MAP2K3: variants seen among roughly 807,000 people sequenced by gnomAD.
The protein encoded by MAP2K3 is mitogen-activated protein kinase kinase 3.
A neutral mutation model predicts 46.4 loss-of-function variants in MAP2K3; 30 were observed. The observed-to-expected ratio is 0.65, with a 90% CI of 0.48 to 0.88. The LOEUF (loss-of-function observed/expected upper bound fraction) is 0.88. Among genes scored for constraint, MAP2K3 ranks in the 40% least tolerant of loss-of-function variants. The pLI is 0.00. For missense variants in MAP2K3, 380 were observed against 464.5 expected, an observed-to-expected ratio of 0.82 and a Z score of 1.67; for synonymous variants, 189 against 176.3, an observed-to-expected ratio of 1.07 and a Z score of -0.57.
At chr17:21,292,548 A>G (rs1181302172) in intron 1 of MAP2K3, among the ~76,000 whole-genome samples, 6 of 152,424 alleles carry the variant, frequency 3.9e-5, no homozygotes, top group Admixed American at 3.9e-4. Context: ...TATTTTTTGT[A>G]GAGACAGGAT....
At chr17:21,290,951 A>G (rs1459949906) in intron 1 of MAP2K3, among the ~76,000 whole-genome samples, 1 of 152,300 alleles carries the variant, frequency 6.6e-6, no homozygotes, top group African/African-American at 2.4e-5. Flanking sequence ...GTTTAAAAAA[A>G]ATAGAAGTAG....
At chr17:21,308,761 A>G (rs886158709) in intron 9 of MAP2K3, among the ~76,000 whole-genome samples, 11 of 152,204 alleles carry the variant, frequency 7.2e-5, no homozygotes, top group African/African-American at 2.7e-4. Context: ...GACCCTGCTC[A>G]TGACTACCTC....
chr17:21,288,069 C>T lies in MAP2K3; in HGVS notation c.49+3100C>T, dbSNP rs773592747. On this transcript the variant is annotated intron_variant, in intron 1 of 11. Coordinates refer to ENST00000342679, the MANE Select transcript of MAP2K3 (RefSeq NM_145109.3). ...CAGTTGGCCCGTGTGAGGAGAAGGCCGGGGCAGCGGAGGCTTCCGGCGGTG... is the reference window on the plus strand; with the variant it reads ...CAGTTGGCCCGTGTGAGGAGAAGGCTGGGGCAGCGGAGGCTTCCGGCGGTG... The T allele has an allele frequency of 2.2e-5, 29 of 1,289,014 alleles. No individual in the cohort carries two copies. The South Asian group carries it at 3.2e-4, about 14-fold the overall frequency. The allele number at this position is 1,289,014 out of a possible 1,614,324, so 79.8% of individuals were successfully genotyped here.
chr17:21,301,254 G>A (rs1976583379), intron 5 of MAP2K3, among the ~76,000 whole-genome samples: 2 of 152,276 alleles, frequency 1.3e-5, no homozygotes, highest in African/African-American at 4.8e-5. Flanking sequence ...GCATTCAGCT[G>A]CACTCAGTTC....
At chr17:21,306,411 C>G (rs536400770) in intron 9 of MAP2K3, among the ~76,000 whole-genome samples, 1,669 of 152,364 alleles carry the variant, frequency 0.011, 19 homozygotes, top group African/African-American at 0.038. Flanking sequence ...GGGTGCAGAG[C>G]TGCCGTGCCC....
chr17:21,299,129 G>A (rs1163169856), intron 3 of MAP2K3, among the ~76,000 whole-genome samples: 3 of 152,308 alleles, frequency 2.0e-5, no homozygotes, highest in Admixed American at 1.3e-4. Flanking sequence ...GAGGACCATC[G>A]GCTGCCTGAC....
At position 21,298,537 on chromosome 17, in the gene MAP2K3, C is replaced by T. The variant is rs1030082657; in HGVS notation, c.116+58C>T. Reference sequence around the variant, plus strand: ...CTGGAGAGGCTTCCCGAACAGGGCTCAATGGAAGGAGTGAGAGGCAGGTGG... The same window carrying T: ...CTGGAGAGGCTTCCCGAACAGGGCTTAATGGAAGGAGTGAGAGGCAGGTGG... On this transcript the variant is annotated intron_variant, in intron 2 of 11. Transcript: ENST00000342679. 61 of 1,613,634 alleles carry T rather than the reference C, an allele frequency of 3.8e-5. No individual in the cohort carries two copies. The African/African-American group carries it at 7.3e-4, about 19-fold the overall frequency.
intron 9 of MAP2K3, among the ~76,000 whole-genome samples, chr17:21,310,742 G>T (rs1977122624): frequency 1.3e-5 from 2 of 152,372 alleles, no homozygotes; most frequent in South Asian, 4.1e-4. Context: ...CCGCCCCCAT[G>T]GTGGGGCCGG....
At chr17:21,304,286 G>A (rs1976766143) in intron 7 of MAP2K3, 140 bp from the exon 8 acceptor site, 1 of 1,479,184 alleles carries the variant, frequency 6.8e-7, no homozygotes, top group Non-Finnish European at 9.3e-7. Context: ...TTGGGACCCT[G>A]GTGCAACCTG....
At chr17:21,306,298 A>C (rs1400727594) in intron 9 of MAP2K3, among the ~76,000 whole-genome samples, 1 of 152,206 alleles carries the variant, frequency 6.6e-6, no homozygotes, top group Non-Finnish European at 1.5e-5. Context: ...ATGGCTCACA[A>C]AACTCAGGGA....
At chr17:21,290,180 C>T (rs751324875) in intron 1 of MAP2K3, among the ~76,000 whole-genome samples, 20 of 152,178 alleles carry the variant, frequency 1.3e-4, no homozygotes, top group East Asian at 3.9e-4. Context: ...TGGATGCCAG[C>T]GGTGTGTTCA....
chr17:21,308,155 CT>C (rs764822853), intron 9 of MAP2K3, among the ~76,000 whole-genome samples: 122 of 81,966 alleles, frequency 1.5e-3, no homozygotes, highest in South Asian at 2.0e-3. Context: ...TGTGCCTGGC[CT>C]TTTTTTTTTT....
At chr17:21,306,769 C>T (rs1976907779) in intron 9 of MAP2K3, among the ~76,000 whole-genome samples, 1 of 152,258 alleles carries the variant, frequency 6.6e-6, no homozygotes, top group Non-Finnish European at 1.5e-5. Flanking sequence ...AGGCATGAGC[C>T]ACCACGCCCA....
At chr17:21,287,160 GC>G (rs1975745182) in intron 1 of MAP2K3, among the ~76,000 whole-genome samples, 2 of 152,326 alleles carry the variant, frequency 1.3e-5, no homozygotes, top group South Asian at 2.1e-4. Context: ...CTGGTGGGGT[GC>G]CCCCACCCCT....
At chr17:21,306,933 G>A (rs1976916390) in intron 9 of MAP2K3, among the ~76,000 whole-genome samples, 1 of 152,306 alleles carries the variant, frequency 6.6e-6, no homozygotes, top group Admixed American at 6.5e-5. Context: ...CTACAGGTGT[G>A]TGCCCCTATG....
chr17:21,291,591 T>C (rs951238518), intron 1 of MAP2K3: 1 of 456,518 alleles, frequency 2.2e-6, no homozygotes, highest in South Asian at 1.5e-5. Flanking sequence ...TGAGCATCAC[T>C]TGTGGGTCCC....
chr17:21,296,826 C>T (rs112101382), intron 1 of MAP2K3, among the ~76,000 whole-genome samples: 1,440 of 151,768 alleles, frequency 9.5e-3, no homozygotes, highest in African/African-American at 0.032. Flanking sequence ...AAACGCTGCG[C>T]ACAGGAGTAG....
chr17:21,290,665 A>T (rs1157370869), intron 1 of MAP2K3, among the ~76,000 whole-genome samples: 1 of 152,310 alleles, frequency 6.6e-6, no homozygotes, highest in Admixed American at 6.5e-5. Context: ...CATCAATCCC[A>T]TGCTTTGTAA....
intron 7 of MAP2K3, among the ~76,000 whole-genome samples, chr17:21,303,994 A>G (rs1047699233): frequency 4.5e-4 from 68 of 152,286 alleles, no homozygotes; most frequent in African/African-American, 1.5e-3. Context: ...CTGCTCTCCC[A>G]TGCTGGTCTG....
Sources: gnomAD v4.1 joint callset for allele counts (sites outside exome capture counted in the v4.1 genomes callset) on GRCh38, gnomAD v4.1.1 for gene constraint, MANE v1.5 for transcripts, NCBI Gene and HGNC (gene_info 2026-07-23, HGNC 2026-07-21) for gene names.